Variants in TRPM3 observed in about 807,000 individuals in gnomAD.
TRPM3 encodes the protein transient receptor potential cation channel subfamily M member 3.
TRPM3 carries 77 observed loss-of-function variants against 181.2 expected under a neutral mutation model. The observed-to-expected ratio is 0.42, with a 90% CI of 0.35 to 0.51. The LOEUF is 0.51. Ranked by LOEUF, TRPM3 falls within the 20% of genes least tolerant of loss-of-function variation. The pLI is 0.01. For missense variants in TRPM3, 1,759 were observed against 2,196.7 expected (o/e 0.80, Z 3.98); for synonymous variants, 745 against 796.4 (o/e 0.94, Z 1.09).
At chr9:70,786,311 C>CA (rs71367227) in intron 6 of TRPM3, among the ~76,000 whole-genome samples, 9,411 of 54,432 alleles carry the variant, frequency 0.17, 1,003 homozygotes, top group African/African-American at 0.29. Flanking sequence ...CTAAAAATAC[C>CA]AAAAAAAAAA....
chr9:71,240,136 A>C (rs1455539140), intron 1 of TRPM3, among the ~76,000 whole-genome samples: 2 of 152,218 alleles, frequency 1.3e-5, no homozygotes, highest in Non-Finnish European at 2.9e-5. Context: ...TTTATTACAT[A>C]AATGTAGTTT....
rs772970988 is a variant in TRPM3, at chr9:70,618,894, G to A, written c.2331C>T (p.Leu777=). Residue 777 remains leucine (L), a synonymous_variant, in exon 17 of 26, where the codon CTC becomes CTT. Transcript: ENST00000677713. ...MLLTDMWMGR[L]RMRKNSGLKV... is the part of the protein sequence containing the mutation. Reference sequence around the variant, plus strand: ...TGAGGCCTGAGTTCTTGCGCATGCGGAGCCGGCCCATCCACATGTCGGTGA... The same window carrying A: ...TGAGGCCTGAGTTCTTGCGCATGCGAAGCCGGCCCATCCACATGTCGGTGA... The A allele has an allele frequency of 2.5e-6, 4 of 1,608,966 alleles. No individual in the cohort carries two copies. In the South Asian group the frequency reaches 3.3e-5, roughly 13 times the overall value.
chr9:70,813,570 G>T (rs1406762738), intron 6 of TRPM3, among the ~76,000 whole-genome samples: 1 of 152,112 alleles, frequency 6.6e-6, no homozygotes, highest in Non-Finnish European at 1.5e-5. Flanking sequence ...ATTATCTGGG[G>T]TGATGGGATC....
At chr9:71,036,735 T>G (rs538548312) in intron 1 of TRPM3, among the ~76,000 whole-genome samples, 1 of 152,330 alleles carries the variant, frequency 6.6e-6, no homozygotes, top group African/African-American at 2.4e-5. Flanking sequence ...CCTACCATCA[T>G]GAAGCAATGT....
intron 1 of TRPM3, among the ~76,000 whole-genome samples, chr9:70,883,614 T>C (rs576363063): frequency 6.6e-5 from 10 of 152,346 alleles, no homozygotes; most frequent in African/African-American, 2.4e-4. Context: ...CTCCTCGAAG[T>C]GACTTGAGTG....
In TRPM3 at chr9:70,843,299, G is replaced by A. The variant is rs73467840; in HGVS notation, c.677-172C>T. ...TAGGAGAAAACATAAACTCATGGCT[G>A]TAATGCCAGATGCATTGGCCAGATT... On this transcript the variant is annotated intron_variant, in intron 4 of 25. Coordinates refer to ENST00000677713, the MANE Select transcript of TRPM3 (RefSeq NM_001366145.2). 5.1e-3 allele frequency among the ~76,000 whole-genome samples: 781 copies of A among 152,296 alleles called. 9 individuals are homozygous for A. Among genetic ancestry groups the A allele is most frequent in the African/African-American group, 0.018 (736 of 41,560 alleles).
At chr9:71,021,250 T>C (rs2097844673) in intron 1 of TRPM3, among the ~76,000 whole-genome samples, 1 of 152,204 alleles carries the variant, frequency 6.6e-6, no homozygotes. Context: ...AGGTAGTACA[T>C]ATGAGATTTT....
chr9:71,432,856 T>C (rs2093978770), intron 1 of TRPM3, among the ~76,000 whole-genome samples: 1 of 152,060 alleles, frequency 6.6e-6, no homozygotes, highest in Admixed American at 6.6e-5. Flanking sequence ...TCTCAATAAA[T>C]CTTGAAGGGC....
At chr9:70,901,425 T>G (rs1031908833) in intron 1 of TRPM3, among the ~76,000 whole-genome samples, 1 of 152,148 alleles carries the variant, frequency 6.6e-6, no homozygotes, top group Non-Finnish European at 1.5e-5. Context: ...GTAAGGGAAA[T>G]TATTAATATA....
chr9:70,554,520 C>A (rs1588303580), intron 22 of TRPM3, among the ~76,000 whole-genome samples: 2 of 152,166 alleles, frequency 1.3e-5, no homozygotes, highest in South Asian at 4.1e-4. Context: ...TACAGTGATT[C>A]TCAACCCTGG....
chr9:70,923,963 T>C (rs939790906), intron 1 of TRPM3, among the ~76,000 whole-genome samples: 2 of 151,396 alleles, frequency 1.3e-5, no homozygotes, highest in African/African-American at 4.9e-5. Context: ...CACACACATA[T>C]ATATATACAC....
intron 1 of TRPM3, among the ~76,000 whole-genome samples, chr9:71,144,835 A>G (rs145844352): frequency 2.0e-5 from 3 of 152,320 alleles, no homozygotes; most frequent in African/African-American, 4.8e-5. Flanking sequence ...TTAATGGAAA[A>G]AAATGAACAG....
intron 1 of TRPM3, among the ~76,000 whole-genome samples, chr9:71,383,025 T>C (rs1445344625): frequency 6.6e-6 from 1 of 152,200 alleles, no homozygotes; most frequent in Non-Finnish European, 1.5e-5. Context: ...GCTGGATAAA[T>C]GATTGTCAAC....
chr9:70,822,555 G>A (rs921048768), intron 6 of TRPM3, among the ~76,000 whole-genome samples: 13 of 152,122 alleles, frequency 8.5e-5, no homozygotes, highest in African/African-American at 3.1e-4. Flanking sequence ...GGGGTAATGT[G>A]TAATGGGGAG....
chr9:71,018,759 G>A (rs2134467688), intron 1 of TRPM3, among the ~76,000 whole-genome samples: 1 of 151,826 alleles, frequency 6.6e-6, no homozygotes, highest in Non-Finnish European at 1.5e-5. Flanking sequence ...TACTTCAGAG[G>A]ACAGAAAAAG....
At chr9:70,761,486 A>G (rs2078127753) in intron 8 of TRPM3, 115 bp downstream of exon 8, 16 of 1,449,728 alleles carry the variant, frequency 1.1e-5, no homozygotes, top group Non-Finnish European at 1.4e-5. Flanking sequence ...GCCTGAGGAG[A>G]GCTGTAAGCT....
At chr9:70,595,679 T>G (rs73649180) in intron 21 of TRPM3, among the ~76,000 whole-genome samples, 1,889 of 152,276 alleles carry the variant, frequency 0.012, 41 homozygotes, top group African/African-American at 0.043. Context: ...TATATATAAA[T>G]TGCAGAGAGG....
intron 1 of TRPM3, among the ~76,000 whole-genome samples, chr9:70,962,214 G>A (rs2097143047): frequency 6.6e-6 from 1 of 152,106 alleles, no homozygotes; most frequent in East Asian, 1.9e-4. Flanking sequence ...GGTAGTGAGG[G>A]TGTTTCCCAG....
chr9:71,435,511 C>A (rs1230915305), intron 1 of TRPM3, among the ~76,000 whole-genome samples: 3 of 152,128 alleles, frequency 2.0e-5, no homozygotes, highest in Non-Finnish European at 4.4e-5. Context: ...CTCAGAAACC[C>A]AAAGTGTGCA....
Sources: gnomAD v4.1 joint callset for allele counts (sites outside exome capture counted in the v4.1 genomes callset) on GRCh38, gnomAD v4.1.1 for gene constraint, MANE v1.5 for transcripts, NCBI Gene and HGNC (gene_info 2026-07-23, HGNC 2026-07-21) for gene names.